IQCM: variants seen among roughly 807,000 people sequenced by gnomAD.
IQCM encodes IQ domain-containing protein M.
IQCM carries 45 observed loss-of-function variants against 57.6 expected under a neutral mutation model. The ratio of observed to expected loss-of-function variants is 0.78; its 90% confidence interval spans 0.62 to 1.00. IQCM has a LOEUF of 1.00. Among genes scored for constraint, IQCM ranks in the 50% least tolerant of loss-of-function variants. IQCM has a pLI of 0.00. For synonymous variants in IQCM, 148 were observed against 158.9 expected (o/e 0.93, Z 0.51); for missense variants, 468 against 511.6 (o/e 0.91, Z 0.82).
intron 7 of IQCM, among the ~76,000 whole-genome samples, chr4:149,654,961 TTC>T (rs10587950): frequency 0.19 from 29,441 of 152,050 alleles, 3,262 homozygotes; most frequent in South Asian, 0.33. Context: ...TGTTTAAAAT[TTC>T]TTTTAACAAT....
At chr4:149,742,201 T>A (rs928906975) in intron 3 of IQCM, among the ~76,000 whole-genome samples, 5 of 152,158 alleles carry the variant, frequency 3.3e-5, no homozygotes, top group African/African-American at 1.2e-4. Context: ...ATTTTGTTTG[T>A]ACTTACATAC....
At chr4:149,673,378 A>C (rs1036561248) in intron 7 of IQCM, among the ~76,000 whole-genome samples, 15 of 152,112 alleles carry the variant, frequency 9.9e-5, no homozygotes, top group Non-Finnish European at 2.1e-4. Flanking sequence ...CAGGAAACCC[A>C]TCTCACGTGC....
chr4:149,520,752 C>T (rs917220985), intron 12 of IQCM, among the ~76,000 whole-genome samples: 4 of 152,096 alleles, frequency 2.6e-5, no homozygotes, highest in Admixed American at 1.3e-4. Context: ...GCCAAGACAT[C>T]ATACTTCCCT....
chr4:149,661,095 G>T (rs1021852379), intron 7 of IQCM, among the ~76,000 whole-genome samples: 1 of 152,094 alleles, frequency 6.6e-6, no homozygotes, highest in African/African-American at 2.4e-5. Context: ...CGGTGTGTTT[G>T]TCATAGATGG....
chr4:149,384,731 C>T (rs1731298719), intron 13 of IQCM, among the ~76,000 whole-genome samples: 1 of 151,446 alleles, frequency 6.6e-6, no homozygotes, highest in African/African-American at 2.4e-5. Context: ...CATATGTATG[C>T]CTTTTCTCCT....
intron 13 of IQCM, among the ~76,000 whole-genome samples, chr4:149,369,511 A>G (rs1578825241): frequency 1.3e-5 from 2 of 152,304 alleles, no homozygotes; most frequent in East Asian, 3.9e-4. Flanking sequence ...TATATTCCTT[A>G]ACCTTCATTT....
At chr4:149,626,922 C>T (rs1343995339) in intron 7 of IQCM, among the ~76,000 whole-genome samples, 1 of 151,720 alleles carries the variant, frequency 6.6e-6, no homozygotes, top group Non-Finnish European at 1.5e-5. Context: ...TAATATCTCC[C>T]AAGGAAAAAA....
intron 10 of IQCM, among the ~76,000 whole-genome samples, chr4:149,555,796 T>G (rs1471839968): frequency 6.6e-6 from 1 of 152,218 alleles, no homozygotes; most frequent in African/African-American, 2.4e-5. Flanking sequence ...AGATGATGTT[T>G]CTGAGAAAAG....
chr4:149,494,706 G>T (rs1742465173), intron 12 of IQCM, among the ~76,000 whole-genome samples: 1 of 152,120 alleles, frequency 6.6e-6, no homozygotes, highest in Admixed American at 6.6e-5. Context: ...GCCAATGGAG[G>T]TGGAGCCCAT....
chr4:149,529,067 A>AAT lies in IQCM; in HGVS notation c.1228+19386_1228+19387dup, dbSNP rs1383086913. On this transcript the variant is annotated intron_variant, in intron 12 of 13. Coordinates refer to ENST00000636793, the MANE Select transcript of IQCM (RefSeq NM_001363507.2). ...AAAAGCAAATATTACTGGGTAGGAAAATATATATATATATGAGACAGAGTC... is the reference window on the plus strand; with the variant it reads ...AAAAGCAAATATTACTGGGTAGGAAAATATATATATATATATGAGACAGAGTC... 1.2e-3 allele frequency among the ~76,000 whole-genome samples: 178 copies of AAT among 151,278 alleles called. 1 individual carries two copies. Among genetic ancestry groups the AAT allele is most frequent in the African/African-American group, 3.8e-3 (158 of 41,332 alleles).
At chr4:149,691,842 T>C (rs895890485) in intron 5 of IQCM, 1 of 152,146 alleles carries the variant, frequency 6.6e-6, no homozygotes, top group Admixed American at 6.5e-5. Context: ...TTAAGGATAA[T>C]ATTATTTTGA....
chr4:149,748,557 C>A (rs1283707340), intron 2 of IQCM: 1 of 152,098 alleles, frequency 6.6e-6, no homozygotes, highest in African/African-American at 2.4e-5. Flanking sequence ...GTAAAACCAA[C>A]TATTCTGAGC....
At chr4:149,811,260 T>G (rs1230481655) in intron 2 of IQCM, among the ~76,000 whole-genome samples, 1 of 152,136 alleles carries the variant, frequency 6.6e-6, no homozygotes, top group Non-Finnish European at 1.5e-5. Flanking sequence ...GGTGATTTCT[T>G]TCCATCAACA....
intron 12 of IQCM, among the ~76,000 whole-genome samples, chr4:149,446,708 C>T (rs1373145134): frequency 6.6e-6 from 1 of 151,398 alleles, no homozygotes; most frequent in Non-Finnish European, 1.5e-5. Context: ...ATAAATTATA[C>T]ATATATATGT....
chr4:149,524,376 G>C (rs2149837305), intron 12 of IQCM, among the ~76,000 whole-genome samples: 1 of 152,210 alleles, frequency 6.6e-6, no homozygotes. Context: ...TGTAACTTAA[G>C]ATTTGTGCAC....
intron 10 of IQCM, among the ~76,000 whole-genome samples, chr4:149,561,403 C>A (rs1750109585): frequency 6.6e-6 from 1 of 152,056 alleles, no homozygotes; most frequent in South Asian, 2.1e-4. Flanking sequence ...GTAGACAGAA[C>A]TTTAAGGATG....
intron 2 of IQCM, among the ~76,000 whole-genome samples, chr4:149,776,712 G>A (rs1771122061): frequency 6.6e-6 from 1 of 152,060 alleles, no homozygotes; most frequent in Non-Finnish European, 1.5e-5. Context: ...ATTTTAAAAT[G>A]TAAAGAGGGA....
chr4:149,797,546 A>G (rs1244017593), intron 2 of IQCM, among the ~76,000 whole-genome samples: 1 of 152,096 alleles, frequency 6.6e-6, no homozygotes, highest in East Asian at 1.9e-4. Flanking sequence ...CCAATATCCT[A>G]CAGAGAGATA....
intron 8 of IQCM, among the ~76,000 whole-genome samples, chr4:149,619,908 G>C (rs1756170634): frequency 6.6e-6 from 1 of 152,186 alleles, no homozygotes; most frequent in African/African-American, 2.4e-5. Flanking sequence ...TGTAATCCCA[G>C]CACTTTGGGA....
Sources: allele counts gnomAD v4.1 joint callset (sites outside exome capture counted in the v4.1 genomes callset), GRCh38; gene constraint gnomAD v4.1.1; transcripts MANE v1.5; gene names NCBI Gene and HGNC (gene_info 2026-07-23, HGNC 2026-07-21).